Variants in PPP4R1 observed in about 807,000 individuals in gnomAD.
PPP4R1 encodes the protein serine/threonine-protein phosphatase 4 regulatory subunit 1.
Under a neutral mutation model 111.2 loss-of-function variants are expected in PPP4R1, and 42 were observed. That is an observed-to-expected ratio of 0.38 (90% CI 0.29 to 0.49). The LOEUF (loss-of-function observed/expected upper bound fraction) is 0.49. PPP4R1 is among the 20% of genes least tolerant of loss of function. The probability of loss-of-function intolerance (pLI) is 0.97; values close to 1 mark genes in which losing one functional copy is unlikely to be tolerated. For synonymous variants in PPP4R1, 409 were observed against 405.5 expected, an observed-to-expected ratio of 1.01 and a Z score of -0.10; for missense variants, 1,012 against 1,161.6, an observed-to-expected ratio of 0.87 and a Z score of 1.87.
chr18:9,547,721 A>G lies in PPP4R1; in HGVS notation c.*68T>C. The G allele has an allele frequency of 3.2e-6, 5 of 1,570,016 alleles. No homozygotes were observed. The highest frequency in any genetic ancestry group is 4.4e-6 in the Non-Finnish European group (5 of 1,145,130). On this transcript the variant is annotated 3_prime_UTR_variant, in exon 20 of 20. Coordinates refer to ENST00000400556, the MANE Select transcript of PPP4R1 (RefSeq NM_001042388.3). Reference sequence around the variant, plus strand: ...TCCCCCGAAAGCTATCCCAGGTCACATGCGTGGCGAATGCCCACTGAACCT... The same window carrying G: ...TCCCCCGAAAGCTATCCCAGGTCACGTGCGTGGCGAATGCCCACTGAACCT...
chr18:9,586,057 T>TAA (rs1246152767), intron 6 of PPP4R1, among the ~76,000 whole-genome samples: 1 of 152,096 alleles, frequency 6.6e-6, no homozygotes, highest in Non-Finnish European at 1.5e-5. Context: ...ATGCTCTAGT[T>TAA]AACAATCCAA....
chr18:9,553,394 T>C lies in PPP4R1; in HGVS notation c.2219A>G (p.Tyr740Cys), dbSNP rs373564633. 3 of 1,593,958 alleles carry C rather than the reference T, an allele frequency of 1.9e-6. No individual in the cohort carries two copies. The highest frequency in any genetic ancestry group is 1.3e-5 in the African/African-American group (1 of 74,466). The change falls in exon 16 of 20, where the codon TAT (tyrosine) becomes TGT (cysteine). Residue 740 changes from tyrosine to cysteine, a missense_variant. This residue lies in a region of PPP4R1 where 305 missense variants were observed against 419.5 expected (regional missense o/e 0.73). Coordinates refer to ENST00000400556, the MANE Select transcript of PPP4R1 (RefSeq NM_001042388.3). ...KLLHIDKRREYLYQLQEFLVT... is the reference protein window; with the variant it reads ...KLLHIDKRRECLYQLQEFLVT... ...CAAAAACTCCTGAAGTTGATAAAGA[T>C]ATTCTCTTCTTTTGTCAATATGAAG...
chr18:9,549,952 C>T, intron 18 of PPP4R1, 100 bp downstream of exon 18: 1 of 1,537,658 alleles, frequency 6.5e-7, no homozygotes. Flanking sequence ...GGTTCTGTTC[C>T]TTAAGAGTAA....
chr18:9,580,809 G>A (rs989594811), intron 9 of PPP4R1, among the ~76,000 whole-genome samples: 1 of 152,296 alleles, frequency 6.6e-6, no homozygotes, highest in Admixed American at 6.5e-5. Context: ...GAGCAGCTGA[G>A]GGGTGAGGCT....
At chr18:9,606,225 T>C (rs1297976072) in intron 2 of PPP4R1, among the ~76,000 whole-genome samples, 4 of 152,214 alleles carry the variant, frequency 2.6e-5, no homozygotes, top group African/African-American at 4.8e-5. Flanking sequence ...AGAATAAAAA[T>C]GTTACAGACC....
intron 2 of PPP4R1, among the ~76,000 whole-genome samples, chr18:9,602,121 CCT>C (rs901618611): frequency 1.3e-5 from 2 of 152,102 alleles, no homozygotes; most frequent in African/African-American, 4.8e-5. Flanking sequence ...CCAGAAGTAT[CCT>C]CTCTCTATAC....
rs1598915474 is a variant in PPP4R1, at chr18:9,572,551, TA to T, written c.1047-1869del. On this transcript the variant is annotated intron_variant, in intron 10 of 19. Transcript: ENST00000400556. ...ATGGCTGAATATGTAGGTAAATTTG[TA>T]AGATGAATACAGGAAAAAGCATCTG... 9.8e-5 allele frequency among the ~76,000 whole-genome samples: 15 copies of T among 152,300 alleles called. 1 individual carries two copies. The South Asian group carries it at 2.9e-3, about 29-fold the overall frequency.
At chr18:9,609,101 G>T (rs2067534344) in intron 2 of PPP4R1, among the ~76,000 whole-genome samples, 1 of 151,950 alleles carries the variant, frequency 6.6e-6, no homozygotes, top group Admixed American at 6.6e-5. Flanking sequence ...GTTAGCAGAG[G>T]TATCATTAAT....
intron 10 of PPP4R1, among the ~76,000 whole-genome samples, chr18:9,574,118 A>AT (rs376075552): frequency 5.9e-5 from 9 of 151,684 alleles, no homozygotes; most frequent in Non-Finnish European, 1.0e-4. Flanking sequence ...TACAAGACAA[A>AT]TTTTTTTTTG....
chr18:9,616,037 T>G (rs1425153252), upstream of PPP4R1, among the ~76,000 whole-genome samples: 1 of 152,130 alleles, frequency 6.6e-6, no homozygotes, highest in African/African-American at 2.4e-5. Flanking sequence ...ATAAAATAAT[T>G]AAAACTAAAG....
intron 6 of PPP4R1, among the ~76,000 whole-genome samples, chr18:9,587,735 C>T (rs1021047584): frequency 4.9e-5 from 7 of 144,074 alleles, no homozygotes; most frequent in Non-Finnish European, 7.5e-5. Context: ...TTCCTTGAGG[C>T]GGAGTCTTGC....
chr18:9,615,239 C>G (rs2067674809), upstream of PPP4R1: 1 of 152,274 alleles, frequency 6.6e-6, no homozygotes, highest in African/African-American at 2.4e-5. Flanking sequence ...CGGGTTTTTA[C>G]TCCCACGTCC....
At chr18:9,605,566 CAAAAAAAA>C (rs34208690) in intron 2 of PPP4R1, among the ~76,000 whole-genome samples, 10 of 67,638 alleles carry the variant, frequency 1.5e-4, no homozygotes, top group Admixed American at 6.0e-4. Context: ...GCAGTCCTGT[CAAAAAAAA>C]AAAAAAAAAA....
chr18:9,595,522 G>A (rs2067277050), intron 2 of PPP4R1, among the ~76,000 whole-genome samples: 1 of 152,154 alleles, frequency 6.6e-6, no homozygotes, highest in Non-Finnish European at 1.5e-5. Flanking sequence ...CAATGTGGAA[G>A]ATAAAGCTAA....
chr18:9,585,986 G>T (rs535869414), intron 6 of PPP4R1, among the ~76,000 whole-genome samples: 1 of 152,204 alleles, frequency 6.6e-6, no homozygotes, highest in African/African-American at 2.4e-5. Flanking sequence ...ATCAGAACTA[G>T]AGATAACGCC....
At chr18:9,572,339 G>A (rs1568101764) in intron 10 of PPP4R1, among the ~76,000 whole-genome samples, 2 of 152,156 alleles carry the variant, frequency 1.3e-5, no homozygotes, top group Non-Finnish European at 2.9e-5. Context: ...AGAATGATGA[G>A]CATATTTTTA....
intron 2 of PPP4R1, among the ~76,000 whole-genome samples, chr18:9,596,409 C>CT (rs1384387120): frequency 6.6e-6 from 1 of 152,172 alleles, no homozygotes; most frequent in Non-Finnish European, 1.5e-5. Context: ...TCAATAGTGC[C>CT]TGTCAACATC....
intron 16 of PPP4R1, among the ~76,000 whole-genome samples, chr18:9,552,576 A>C (rs2066506538): frequency 6.6e-6 from 1 of 152,258 alleles, no homozygotes; most frequent in Admixed American, 6.5e-5. Context: ...ATGGGAATGT[A>C]AAATGGTATA....
At chr18:9,564,737 T>G (rs1169749396) in intron 11 of PPP4R1, among the ~76,000 whole-genome samples, 186 of 67,976 alleles carry the variant, frequency 2.7e-3, no homozygotes, top group African/African-American at 0.012. Context: ...TGTGTGTGTG[T>G]GGGGGTATCA....
Sources: allele counts gnomAD v4.1 joint callset (sites outside exome capture counted in the v4.1 genomes callset), GRCh38; gene constraint gnomAD v4.1.1; regional missense constraint gnomAD v4.1.1; transcripts MANE v1.5; gene names NCBI Gene and HGNC (gene_info 2026-07-23, HGNC 2026-07-21).